LCLAT1: variants seen among roughly 807,000 people sequenced by gnomAD.
The protein encoded by LCLAT1 is 1-AGP acyltransferase 8.
Under a neutral mutation model 30.7 loss-of-function variants are expected in LCLAT1, and 11 were observed. The observed-to-expected ratio is 0.36, with a 90% CI of 0.23 to 0.59. The LOEUF is 0.59. Among genes scored for constraint, LCLAT1 ranks in the 20% least tolerant of loss-of-function variants. The pLI, the probability that LCLAT1 is intolerant of heterozygous loss-of-function variation, is 0.77. For synonymous variants in LCLAT1, 155 were observed against 151.3 expected (o/e 1.02, Z -0.18); for missense variants, 402 against 458.6 (o/e 0.88, Z 1.13).
In LCLAT1 at chr2:30,461,770, C is replaced by CCTTTTTTTTTTT. The variant is rs760622200; in HGVS notation, c.-5+14387_-5+14388insCTTTTTTTTTTT. On this transcript the variant is annotated intron_variant, in intron 1 of 5. Transcript: ENST00000379509. Reference sequence around the variant, plus strand: ...TGTGGACCACTTTTTCTAAATTAAACTTTTTTTTTTTTTTTTTTGAGACGG... The same window carrying CCTTTTTTTTTTT: ...TGTGGACCACTTTTTCTAAATTAAACCTTTTTTTTTTTTTTTTTTTTTTTTTTTTTGAGACGG... Among the ~76,000 whole-genome samples, 141 of 131,696 alleles carry CCTTTTTTTTTTT rather than the reference C, an allele frequency of 1.1e-3. 4 individuals are homozygous for CCTTTTTTTTTTT. The highest frequency in any genetic ancestry group is 1.7e-3 in the Admixed American group (22 of 12,616). The allele number at this position is 131,696 out of a possible 152,430, so 86.4% of individuals were successfully genotyped here.
chr2:30,463,062 C>G (rs986027266), intron 1 of LCLAT1, among the ~76,000 whole-genome samples: 1 of 151,946 alleles, frequency 6.6e-6, no homozygotes, highest in Admixed American at 6.6e-5. Context: ...CTCAGGAGTT[C>G]AACACCAGTT....
chr2:30,524,630 C>T (rs975822241), intron 1 of LCLAT1, among the ~76,000 whole-genome samples: 4 of 152,176 alleles, frequency 2.6e-5, no homozygotes, highest in Admixed American at 6.5e-5. Context: ...TCCCTTTGTC[C>T]AGTGCATTGA....
At chr2:30,524,610 A>C (rs1263920686) in intron 1 of LCLAT1, among the ~76,000 whole-genome samples, 2 of 152,168 alleles carry the variant, frequency 1.3e-5, no homozygotes, top group Non-Finnish European at 2.9e-5. Flanking sequence ...CGCATCCAGG[A>C]CGTGAATTAT....
At chr2:30,622,375 C>T (rs1309136006) in intron 5 of LCLAT1, among the ~76,000 whole-genome samples, 2 of 152,142 alleles carry the variant, frequency 1.3e-5, no homozygotes, top group African/African-American at 4.8e-5. Context: ...TCTGTTGTCC[C>T]TCCTACCACC....
chr2:30,547,521 G>T (rs998343621), intron 3 of LCLAT1, among the ~76,000 whole-genome samples: 1 of 152,122 alleles, frequency 6.6e-6, no homozygotes, highest in African/African-American at 2.4e-5. Context: ...GTTTGAGCCA[G>T]TCTAACCAAA....
At chr2:30,626,842 C>A (rs926900106) in intron 5 of LCLAT1, among the ~76,000 whole-genome samples, 1 of 151,764 alleles carries the variant, frequency 6.6e-6, no homozygotes, top group African/African-American at 2.4e-5. Flanking sequence ...TTAGATAATT[C>A]GTAATTTTCC....
At chr2:30,513,363 C>A (rs1274665845) in intron 1 of LCLAT1, among the ~76,000 whole-genome samples, 2 of 151,814 alleles carry the variant, frequency 1.3e-5, no homozygotes, top group Non-Finnish European at 2.9e-5. Flanking sequence ...CATTTTCCTG[C>A]ATTTTTGGAA....
intron 2 of LCLAT1, among the ~76,000 whole-genome samples, chr2:30,532,349 C>G (rs573360949): frequency 6.6e-6 from 1 of 152,082 alleles, no homozygotes; most frequent in Non-Finnish European, 1.5e-5. Context: ...CAATTTCTCT[C>G]TTTATTAATA....
intron 1 of LCLAT1, among the ~76,000 whole-genome samples, chr2:30,462,019 G>A (rs187046818): frequency 7.0e-4 from 106 of 151,950 alleles, no homozygotes; most frequent in African/African-American, 2.1e-3. Flanking sequence ...TGATCCGCCC[G>A]CCTCGGCCTC....
chr2:30,608,011 G>C (rs183111326), intron 5 of LCLAT1, among the ~76,000 whole-genome samples: 3 of 151,840 alleles, frequency 2.0e-5, no homozygotes, highest in African/African-American at 7.3e-5. Context: ...TGTTTTAAGC[G>C]AAGTGTTATA....
At chr2:30,521,758 G>A (rs1306944853) in intron 1 of LCLAT1, among the ~76,000 whole-genome samples, 1 of 151,536 alleles carries the variant, frequency 6.6e-6, no homozygotes, top group Non-Finnish European at 1.5e-5. Context: ...GCTCCCCTTG[G>A]CCTCCCAAAA....
chr2:30,604,254 T>C (rs1558549886), intron 5 of LCLAT1, among the ~76,000 whole-genome samples: 1 of 152,182 alleles, frequency 6.6e-6, no homozygotes, highest in Non-Finnish European at 1.5e-5. Flanking sequence ...ATGCATCCAG[T>C]AGCCTGGAAA....
At chr2:30,546,345 T>C (rs900967215) in intron 3 of LCLAT1, among the ~76,000 whole-genome samples, 8 of 152,230 alleles carry the variant, frequency 5.3e-5, no homozygotes, top group Non-Finnish European at 1.0e-4. Context: ...GATTAGAATT[T>C]TATTTTACAT....
At chr2:30,628,847 T>C (rs1668635955) in intron 5 of LCLAT1, among the ~76,000 whole-genome samples, 1 of 152,178 alleles carries the variant, frequency 6.6e-6, no homozygotes. Context: ...TATTAGGGAC[T>C]GACAGACAAA....
intron 1 of LCLAT1, among the ~76,000 whole-genome samples, chr2:30,453,016 A>G (rs1399838276): frequency 6.6e-6 from 1 of 152,166 alleles, no homozygotes; most frequent in African/African-American, 2.4e-5. Flanking sequence ...TGAGTTCTGA[A>G]GACTTCAGTT....
intron 1 of LCLAT1, among the ~76,000 whole-genome samples, chr2:30,495,124 TATA>T (rs1159736142): frequency 3.9e-5 from 6 of 152,310 alleles, no homozygotes; most frequent in African/African-American, 1.4e-4. Context: ...TGTTCTGATA[TATA>T]ACATTTTAGG....
At chr2:30,547,695 G>A (rs562398873) in intron 3 of LCLAT1, among the ~76,000 whole-genome samples, 81 of 150,402 alleles carry the variant, frequency 5.4e-4, no homozygotes, top group Middle Eastern at 6.8e-3. Context: ...AGAGGGGGAG[G>A]TCCTCAGACA....
At chr2:30,535,600 A>G (rs1448541737) in intron 3 of LCLAT1, among the ~76,000 whole-genome samples, 2 of 152,196 alleles carry the variant, frequency 1.3e-5, no homozygotes, top group African/African-American at 4.8e-5. Flanking sequence ...CTGTTCTTAC[A>G]TGGAACCAAA....
In LCLAT1 at chr2:30,582,252, A is replaced by G. The variant is rs566570462; in HGVS notation, c.628+14076A>G. On this transcript the variant is annotated intron_variant, in intron 5 of 5. Transcript: ENST00000379509. ...AATGGTGCTAAATTGTTCAATAAATATTGAATGAATATATTAATGAATGTA... is the reference window on the plus strand; with the variant it reads ...AATGGTGCTAAATTGTTCAATAAATGTTGAATGAATATATTAATGAATGTA... Among the ~76,000 whole-genome samples the G allele has an allele frequency of 6.2e-4, 93 of 150,554 alleles. 1 individual carries two copies. Among genetic ancestry groups the G allele is most frequent in the African/African-American group, 2.2e-3 (88 of 40,828 alleles).
Sources: gnomAD v4.1 joint callset for allele counts (sites outside exome capture counted in the v4.1 genomes callset) on GRCh38, gnomAD v4.1.1 for gene constraint, MANE v1.5 for transcripts, NCBI Gene and HGNC (gene_info 2026-07-23, HGNC 2026-07-21) for gene names.